INPP5F: variants seen among roughly 807,000 people sequenced by gnomAD.
INPP5F encodes inositol polyphosphate-5-phosphatase F, also known as phosphatidylinositide 4-phosphatase SAC2.
Under a neutral mutation model 137.2 loss-of-function variants are expected in INPP5F, and 97 were observed. The ratio of observed to expected loss-of-function variants is 0.71; its 90% CI spans 0.60 to 0.84. The LOEUF is 0.84. INPP5F is among the 40% of genes least tolerant of loss of function. The probability of loss-of-function intolerance (pLI) is 0.00; values close to 1 mark genes in which losing one functional copy is unlikely to be tolerated. For missense variants in INPP5F, 1,271 were observed against 1,371.9 expected (o/e 0.93, Z 1.16); for synonymous variants, 504 against 476.9 (o/e 1.06, Z -0.74).
chr10:119,756,125 C>T (rs1418134756), intron 2 of INPP5F, among the ~76,000 whole-genome samples: 2 of 151,930 alleles, frequency 1.3e-5, no homozygotes, highest in African/African-American at 4.8e-5. Context: ...CACTGCACTC[C>T]AGCCTGGGTG....
intron 11 of INPP5F, among the ~76,000 whole-genome samples, chr10:119,805,801 G>C (rs754080468): frequency 6.6e-6 from 1 of 152,134 alleles, no homozygotes; most frequent in Non-Finnish European, 1.5e-5. Context: ...GAGGTACTTT[G>C]TCTCAGTTTT....
chr10:119,810,052 G>T (rs957988901), intron 13 of INPP5F, 48 bp from the exon 14 acceptor site: 1 of 1,009,212 alleles, frequency 9.9e-7, no homozygotes, highest in African/African-American at 1.6e-5. Flanking sequence ...TATTTTGGGG[G>T]CATTCTTGTG....
chr10:119,751,908 G>C (rs953581441), intron 2 of INPP5F, among the ~76,000 whole-genome samples: 1 of 152,162 alleles, frequency 6.6e-6, no homozygotes, highest in African/African-American at 2.4e-5. Context: ...TGGGATTACA[G>C]GCATGAGCCA....
intron 12 of INPP5F, among the ~76,000 whole-genome samples, chr10:119,806,899 C>G (rs1348626797): frequency 6.6e-6 from 1 of 151,292 alleles, no homozygotes; most frequent in Non-Finnish European, 1.5e-5. Flanking sequence ...GGTGAAGGAG[C>G]CTGTGTCTTT....
Position 119,798,693 on chromosome 10 carries a change from A to G in INPP5F, c.1116+83A>G, listed in dbSNP as rs547655737. 270 of 877,490 alleles carry G rather than the reference A, an allele frequency of 3.1e-4. No homozygotes were observed. In the South Asian group the frequency reaches 4.3e-3, roughly 14 times the overall value. The allele number at this position is 877,490 out of a possible 1,614,324, so 54.4% of individuals were successfully genotyped here. On this transcript the variant is annotated intron_variant, in intron 9 of 19. Coordinates refer to ENST00000650623, the MANE Select transcript of INPP5F (RefSeq NM_014937.4). ...TTAAGTTTCATAAAAATAACATTGTACTATTCAAAATTAAAGCATTTGTCA... is the reference window on the plus strand; with the variant it reads ...TTAAGTTTCATAAAAATAACATTGTGCTATTCAAAATTAAAGCATTTGTCA...
intron 1 of INPP5F, among the ~76,000 whole-genome samples, chr10:119,742,035 G>A (rs995598643): frequency 6.6e-6 from 1 of 152,110 alleles, no homozygotes; most frequent in African/African-American, 2.4e-5. Flanking sequence ...TGGCCAGACT[G>A]GTCTCGAACT....
intron 14 of INPP5F, 113 bp from the exon 15 acceptor site, chr10:119,811,644 T>C: frequency 2.5e-6 from 2 of 786,676 alleles, no homozygotes; most frequent in Admixed American, 2.7e-5. Context: ...CAAAGATTTA[T>C]GCTTGTGTTT....
intron 3 of INPP5F, among the ~76,000 whole-genome samples, chr10:119,786,258 G>A (rs1014263676): frequency 2.0e-5 from 3 of 152,182 alleles, no homozygotes; most frequent in South Asian, 2.1e-4. Context: ...TTGAGATCGC[G>A]TGTTTCAGAG....
At chr10:119,789,707 G>A (rs1022597090) in intron 3 of INPP5F, among the ~76,000 whole-genome samples, 9 of 151,864 alleles carry the variant, frequency 5.9e-5, no homozygotes. Context: ...AGCTGGGCTC[G>A]AAATAAACAT....
intron 1 of INPP5F, among the ~76,000 whole-genome samples, chr10:119,747,645 G>A (rs1564805939): frequency 6.6e-6 from 1 of 152,112 alleles, no homozygotes. Context: ...CATTTTTAAG[G>A]TTTTAACCTA....
intron 1 of INPP5F, among the ~76,000 whole-genome samples, chr10:119,741,698 C>A (rs1168436054): frequency 2.6e-5 from 4 of 151,940 alleles, no homozygotes; most frequent in Non-Finnish European, 5.9e-5. Flanking sequence ...GCATGCCTGG[C>A]TAATTTTTGT....
chr10:119,813,196 T>C (rs1201845299), intron 15 of INPP5F, among the ~76,000 whole-genome samples: 2 of 152,172 alleles, frequency 1.3e-5, no homozygotes, highest in Non-Finnish European at 1.5e-5. Context: ...TTATGGAAAA[T>C]TGGTACCCTG....
At chr10:119,774,261 CAAAAAAAAAAAAA>C (rs572329987) in intron 2 of INPP5F, among the ~76,000 whole-genome samples, 2 of 82,140 alleles carry the variant, frequency 2.4e-5, no homozygotes, top group Non-Finnish European at 2.4e-5. Flanking sequence ...ACTCAGTCTC[CAAAAAAAAAAAAA>C]AAAAAAAAAC....
At chr10:119,820,714 C>G in intron 15 of INPP5F, 132 bp from the exon 16 acceptor site, 1 of 669,176 alleles carries the variant, frequency 1.5e-6, no homozygotes, top group Admixed American at 2.3e-5. Context: ...CAGTAGAACT[C>G]ATTGATTACC....
chr10:119,792,567 G>GTTT lies in INPP5F; in HGVS notation c.669+374_669+376dup, dbSNP rs397847812. 2.7e-3 allele frequency among the ~76,000 whole-genome samples: 338 copies of GTTT among 124,588 alleles called. 4 individuals are homozygous for GTTT. The highest frequency in any genetic ancestry group is 9.6e-3 in the African/African-American group (323 of 33,626). The allele number at this position is 124,588 out of a possible 152,430, so 81.7% of individuals were successfully genotyped here. ...GCCCAGTTTTCCTGAAATGGTACCA[G>GTTT]TTTTTTTTTTTTTTTTTTTTTTAAC... On this transcript the variant is annotated intron_variant, in intron 6 of 19. Coordinates refer to ENST00000650623, the MANE Select transcript of INPP5F (RefSeq NM_014937.4).
rs182565035 is a variant in INPP5F, at chr10:119,805,917, G to A, written c.1320-443G>A. ...ATTTGATTAGATGTTAAGACTACAC[G>A]GGTGGCCAGAGAAATTAGATGAGCA... is the stretch of plus-strand genomic sequence containing the variant. On this transcript the variant is annotated intron_variant, in intron 11 of 19. Transcript: ENST00000650623. Among the ~76,000 whole-genome samples the A allele has an allele frequency of 1.8e-3, 272 of 152,292 alleles. 2 individuals are homozygous for A. Among genetic ancestry groups the A allele is most frequent in the Non-Finnish European group, 2.5e-3 (167 of 68,022 alleles).
chr10:119,727,870 C>T (rs1333896820), intron 1 of INPP5F, among the ~76,000 whole-genome samples: 2 of 152,182 alleles, frequency 1.3e-5, no homozygotes, highest in African/African-American at 2.4e-5. Context: ...GGTAAGGCTT[C>T]AGTACAGCTT....
intron 15 of INPP5F, among the ~76,000 whole-genome samples, chr10:119,818,534 C>T (rs550055295): frequency 2.0e-5 from 3 of 152,254 alleles, no homozygotes; most frequent in Non-Finnish European, 4.4e-5. Flanking sequence ...CGAACTCTCG[C>T]GGGAGTGGCC....
intron 3 of INPP5F, among the ~76,000 whole-genome samples, chr10:119,790,632 A>C (rs1029876494): frequency 6.6e-6 from 1 of 152,236 alleles, no homozygotes; most frequent in Admixed American, 6.5e-5. Context: ...CACTGATGAT[A>C]ATAAGCATTT....
Sources: gnomAD v4.1 joint callset for allele counts (sites outside exome capture counted in the v4.1 genomes callset) on GRCh38, gnomAD v4.1.1 for gene constraint, MANE v1.5 for transcripts, NCBI Gene and HGNC (gene_info 2026-07-23, HGNC 2026-07-21) for gene names.